The following HLF variants were observed in gnomAD, a reference collection of about 807,000 sequenced individuals.
The protein encoded by HLF is hepatic leukemia factor.
In HLF, 3 loss-of-function variants were observed where a neutral mutation model predicts 22.6. The observed-to-expected ratio is 0.13, with a 90% confidence interval of 0.06 to 0.34. The LOEUF (loss-of-function observed/expected upper bound fraction) is 0.34, where lower values mean the gene tolerates loss of function less well. HLF is among the 10% of genes least tolerant of loss of function. HLF has a pLI of 1.00. For missense variants in HLF, 299 were observed against 389.2 expected, an observed-to-expected ratio of 0.77 and a Z score of 1.95; for synonymous variants, 151 against 151.8, an observed-to-expected ratio of 0.99 and a Z score of 0.04.
intron 2 of HLF, among the ~76,000 whole-genome samples, chr17:55,301,216 T>C (rs1237243928): frequency 1.3e-5 from 2 of 152,268 alleles, no homozygotes; most frequent in Non-Finnish European, 1.5e-5. Context: ...GCACATATTA[T>C]TCTGCAATCT....
At chr17:55,306,323 CTT>C (rs1904546979) in intron 2 of HLF, among the ~76,000 whole-genome samples, 1 of 152,180 alleles carries the variant, frequency 6.6e-6, no homozygotes, top group African/African-American at 2.4e-5. Context: ...GCAACAGACT[CTT>C]TTCCTAATGT....
chr17:55,286,141 A>C (rs907642802), intron 2 of HLF, among the ~76,000 whole-genome samples: 1 of 152,214 alleles, frequency 6.6e-6, no homozygotes, highest in African/African-American at 2.4e-5. Flanking sequence ...TTCTTTCCAA[A>C]GATCTAAGAC....
chr17:55,294,258 C>A (rs1479052931), intron 2 of HLF, among the ~76,000 whole-genome samples: 1 of 152,186 alleles, frequency 6.6e-6, no homozygotes, highest in South Asian at 2.1e-4. Flanking sequence ...AACAGGGAGA[C>A]GCATATGGTC....
intron 2 of HLF, among the ~76,000 whole-genome samples, chr17:55,296,555 C>G (rs1209157392): frequency 6.6e-6 from 1 of 152,068 alleles, no homozygotes; most frequent in Non-Finnish European, 1.5e-5. Context: ...CTTTTTCATT[C>G]AATATTTTTT....
intron 2 of HLF, among the ~76,000 whole-genome samples, chr17:55,311,774 G>A (rs1225391107): frequency 3.9e-5 from 6 of 152,126 alleles, no homozygotes; most frequent in Non-Finnish European, 7.3e-5. Flanking sequence ...CCTTCATGCA[G>A]AGAGTGAACA....
At chr17:55,296,188 C>G (rs538592714) in intron 2 of HLF, among the ~76,000 whole-genome samples, 8 of 152,144 alleles carry the variant, frequency 5.3e-5, no homozygotes, top group Non-Finnish European at 1.0e-4. Context: ...GGTTTCCTTA[C>G]AAGGTAGGGT....
intron 2 of HLF, among the ~76,000 whole-genome samples, chr17:55,306,843 TTTC>T (rs1311019509): frequency 1.3e-5 from 2 of 152,100 alleles, no homozygotes; most frequent in Non-Finnish European, 2.9e-5. Context: ...CATTCTTGTA[TTTC>T]TTCTTGGTTT....
At chr17:55,307,493 A>C (rs867463155) in intron 2 of HLF, among the ~76,000 whole-genome samples, 1 of 151,338 alleles carries the variant, frequency 6.6e-6, no homozygotes, top group Non-Finnish European at 1.5e-5. Flanking sequence ...TTTAACACAG[A>C]CTCCTGGAAC....
intron 2 of HLF, among the ~76,000 whole-genome samples, chr17:55,277,490 C>G (rs1260463741): frequency 6.6e-6 from 1 of 151,520 alleles, no homozygotes; most frequent in Non-Finnish European, 1.5e-5. Context: ...TTCTTGAGTC[C>G]TGACCTTGTA....
chr17:55,295,178 G>A (rs2081101066), intron 2 of HLF, among the ~76,000 whole-genome samples: 1 of 152,224 alleles, frequency 6.6e-6, no homozygotes, highest in Non-Finnish European at 1.5e-5. Context: ...AGAATGGCCA[G>A]CTCTGAATAG....
chr17:55,277,274 T>TGTGTGA (rs71361764), intron 2 of HLF, among the ~76,000 whole-genome samples: 2 of 113,986 alleles, frequency 1.8e-5, no homozygotes, highest in African/African-American at 3.3e-5. Flanking sequence ...TGTGTGTGTG[T>TGTGTGA]GCGCGCGCAT....
At position 55,324,874 on chromosome 17, in the gene HLF, CT is replaced by C. The variant is rs1240645008; in HGVS notation, c.*3997del. The C allele has an allele frequency of 4.3e-6, 1 of 232,232 alleles. No homozygotes were observed. Among genetic ancestry groups the C allele is most frequent in the Non-Finnish European group, 8.5e-6 (1 of 117,402 alleles). 14.4% of individuals were successfully genotyped at this position (232,232 alleles called of 1,614,324 possible). On this transcript the variant is annotated 3_prime_UTR_variant, in exon 4 of 4. Transcript: ENST00000226067. The stretch of plus-strand genomic sequence containing the variant: ...ACATAAAGTCTTTAATTTTGAGCAC[CT>C]TACCAAACATAACAATAATCCATTA...
At chr17:55,286,912 G>A (rs1433816980) in intron 2 of HLF, among the ~76,000 whole-genome samples, 1 of 152,136 alleles carries the variant, frequency 6.6e-6, no homozygotes, top group East Asian at 1.9e-4. Flanking sequence ...AAAATCTCAG[G>A]GACTGGGATA....
At chr17:55,278,865 A>G (rs1002081003) in intron 2 of HLF, among the ~76,000 whole-genome samples, 11 of 152,350 alleles carry the variant, frequency 7.2e-5, no homozygotes, top group South Asian at 2.1e-4. Context: ...GTACTGGATC[A>G]AAATAGTATT....
At position 55,266,825 on chromosome 17, in the gene HLF, T is replaced by G. The variant is rs879069597; in HGVS notation, c.116-926T>G. 4 of 984,638 alleles carry G rather than the reference T, an allele frequency of 4.1e-6. No individual in the cohort carries two copies. The African/African-American group carries it at 7.0e-5, about 17-fold the overall frequency. The allele number at this position is 984,638 out of a possible 1,614,324, so 61.0% of individuals were successfully genotyped here. On this transcript the variant is annotated intron_variant, in intron 1 of 3. Coordinates refer to ENST00000226067, the MANE Select transcript of HLF (RefSeq NM_002126.5). ...AATTGGCAAGATCCGGAATGCTTGT[T>G]AAAGACCTAATGGGCGAGCAGTACT...
intron 2 of HLF, among the ~76,000 whole-genome samples, chr17:55,275,155 G>A (rs549981048): frequency 1.3e-5 from 2 of 152,274 alleles, no homozygotes; most frequent in East Asian, 3.9e-4. Context: ...GAGAGCAGTG[G>A]CGCGATCATG....
chr17:55,297,824 AC>A (rs1321235937), intron 2 of HLF, among the ~76,000 whole-genome samples: 3 of 133,140 alleles, frequency 2.3e-5, no homozygotes, highest in Admixed American at 9.4e-5. Flanking sequence ...ACCTCAGCTC[AC>A]TGCAACCTCT....
intron 2 of HLF, chr17:55,273,006 T>TTA (rs1411249282): frequency 1.3e-5 from 2 of 152,242 alleles, no homozygotes; most frequent in African/African-American, 4.8e-5. Flanking sequence ...CTTGTAGAGT[T>TTA]TATCTTCTCC....
intron 2 of HLF, among the ~76,000 whole-genome samples, chr17:55,299,455 A>C (rs2081137676): frequency 6.6e-6 from 1 of 152,186 alleles, no homozygotes; most frequent in South Asian, 2.1e-4. Context: ...AAATAATGAA[A>C]GATGATGCAG....
Sources: allele counts gnomAD v4.1 joint callset (sites outside exome capture counted in the v4.1 genomes callset), GRCh38; gene constraint gnomAD v4.1.1; transcripts MANE v1.5; gene names NCBI Gene and HGNC (gene_info 2026-07-23, HGNC 2026-07-21).